The following ARSF variants were observed in gnomAD, a reference collection of about 807,000 sequenced individuals.
The protein encoded by ARSF is arylsulfatase F.
In ARSF, 33 loss-of-function variants were observed where a neutral mutation model predicts 35.4. The observed-to-expected ratio is 0.93, with a 90% confidence interval of 0.71 to 1.25. ARSF has a LOEUF of 1.25. ARSF is among the 50% of genes most tolerant of loss of function. ARSF has a pLI of 0.00. For synonymous variants in ARSF, 222 were observed against 193.1 expected, an observed-to-expected ratio of 1.15 and a Z score of -1.24; for missense variants, 501 against 480.2, an observed-to-expected ratio of 1.04 and a Z score of -0.40.
chrX:3,085,118 C>T (rs1203617249), intron 6 of ARSF, among the ~76,000 whole-genome samples: 2 of 109,551 alleles, frequency 1.8e-5, no homozygotes, highest in African/African-American at 6.6e-5. Context: ...TGTTTGGGCT[C>T]CTGTTATTAA....
intron 2 of ARSF, among the ~76,000 whole-genome samples, chrX:3,070,165 G>T (rs745362250): frequency 2.6e-4 from 29 of 111,362 alleles, no homozygotes; most frequent in Non-Finnish European, 4.7e-4. Context: ...TCTGTGCCAG[G>T]CTTATTTTCC....
chrX:3,084,709 C>T lies in ARSF; in HGVS notation c.830+43C>T, dbSNP rs756146083. The T allele has an allele frequency of 8.1e-6, 9 of 1,105,251 alleles. No homozygotes were observed. The South Asian group carries it at 1.1e-4, about 14-fold the overall frequency. 91.1% of individuals were successfully genotyped at this position (1,105,251 alleles called of 1,213,427 possible). ...AAATTCATGTAATAATGATAATGAT[C>T]TCTTTTTTAAAAGGACCTAGATAGA... On this transcript the variant is annotated intron_variant, in intron 6 of 10. Coordinates refer to ENST00000381127, the MANE Select transcript of ARSF (RefSeq NM_001201539.2).
At chrX:3,108,872 C>G (rs761653493) in intron 9 of ARSF, among the ~76,000 whole-genome samples, 1 of 109,460 alleles carries the variant, frequency 9.1e-6, no homozygotes, top group Admixed American at 9.8e-5. Context: ...CAAAATTAGC[C>G]AGGCATGGTG....
rs892471783 is a variant in ARSF, at chrX:3,071,699, T to C, written c.12-327T>C. On this transcript the variant is annotated intron_variant, in intron 2 of 10. Transcript: ENST00000381127. Reference sequence around the variant, plus strand: ...AATAGTAGATCTACTTTTAGTTCTTTAAGGAATCTCCATACTGTTTTCCAC... The same window carrying C: ...AATAGTAGATCTACTTTTAGTTCTTCAAGGAATCTCCATACTGTTTTCCAC... 2.7e-5 allele frequency among the ~76,000 whole-genome samples: 3 copies of C among 111,668 alleles called. No homozygotes were observed. The Admixed American group carries it at 2.9e-4, about 11-fold the overall frequency.
rs2090381456 is a variant in ARSF at position 3,102,222 on chromosome X, G to T, written c.1102+1001G>T. ...TAGTGGTGATTTCTGAGATTTTAGT[G>T]CACCGTCATCTGAGCATGTACTCTG... On this transcript the variant is annotated intron_variant, in intron 8 of 10. Transcript: ENST00000381127. 2.7e-5 allele frequency among the ~76,000 whole-genome samples: 3 copies of T among 111,228 alleles called. No homozygotes were observed. The South Asian group carries it at 1.1e-3, about 42-fold the overall frequency.
In ARSF at chrX:3,094,368, G is replaced by A. The variant is rs149335464; in HGVS notation, c.967+4736G>A. Among the ~76,000 whole-genome samples the A allele has an allele frequency of 9.8e-3, 1,090 of 111,657 alleles. 11 individuals carry two copies. The highest frequency in any genetic ancestry group is 0.033 in the African/African-American group (1,010 of 30,756). ...TCTGAAGTCTCCAGTAGCCCCATTAGACTCCTACAGACCGTCATTTCACAG... is the reference window on the plus strand; with the variant it reads ...TCTGAAGTCTCCAGTAGCCCCATTAAACTCCTACAGACCGTCATTTCACAG... On this transcript the variant is annotated intron_variant, in intron 7 of 10. Transcript: ENST00000381127.
intron 5 of ARSF, among the ~76,000 whole-genome samples, chrX:3,083,447 A>G (rs1454222915): frequency 9.1e-6 from 1 of 109,833 alleles, no homozygotes; most frequent in Non-Finnish European, 1.9e-5. Context: ...TCCGTCATTT[A>G]TTTGAATCTG....
rs977825968 is a variant in ARSF at position 3,110,257 on chromosome X, G to A, written c.1390+5G>A. ...GGTGGATCCCCAAGGACGACAGTGAGTGCTCAACCCGTTGCTTCCTGTTCC... is the reference window on the plus strand; with the variant it reads ...GGTGGATCCCCAAGGACGACAGTGAATGCTCAACCCGTTGCTTCCTGTTCC... On this transcript the variant is annotated splice_donor_5th_base_variant and intron_variant, in intron 10 of 10. Transcript: ENST00000381127. 3 of 1,159,073 alleles carry A rather than the reference G, an allele frequency of 2.6e-6. No individual in the cohort carries two copies. Among genetic ancestry groups the A allele is most frequent in the South Asian group, 2.1e-5 (1 of 47,640 alleles).
At chrX:3,050,546 CA>C (rs572650651) in intron 1 of ARSF, among the ~76,000 whole-genome samples, 945 of 53,096 alleles carry the variant, frequency 0.018, 7 homozygotes, top group African/African-American at 0.046. Flanking sequence ...AACTCTGTCT[CA>C]AAAAAAAAAA....
chrX:3,101,093 T>A lies in ARSF; in HGVS notation c.974T>A (p.Ile325Asn). The A allele has an allele frequency of 1.7e-6, 2 of 1,209,663 alleles. No homozygotes were observed. The highest frequency in any genetic ancestry group is 2.2e-6 in the Non-Finnish European group (2 of 894,163). The change falls in exon 8 of 11, where the codon ATT becomes AAT. Residue 325 changes from isoleucine to asparagine, a missense_variant. Coordinates refer to ENST00000381127, the MANE Select transcript of ARSF (RefSeq NM_001201539.2). Reference sequence around the variant, plus strand: ...CTCTTGTATATTATTTTAGGCAAGATTCTTGATGCTATCGATGATTTTGGC... The same window carrying A: ...CTCTTGTATATTATTTTAGGCAAGAATCTTGATGCTATCGATGATTTTGGC... ...VEEMDSMVGK[I>N]LDAIDDFGLR...
At chrX:3,068,253 CTA>C (rs1271355921) in intron 2 of ARSF, 142 bp downstream of exon 2, 10 of 502,086 alleles carry the variant, frequency 2.0e-5, no homozygotes, top group African/African-American at 1.7e-4. Flanking sequence ...TTGTAACCTA[CTA>C]TGAGTCAACA....
At chrX:3,081,303 G>C (rs905680765) in intron 5 of ARSF, among the ~76,000 whole-genome samples, 1 of 111,385 alleles carries the variant, frequency 9.0e-6, no homozygotes, top group Non-Finnish European at 1.9e-5. Context: ...CAGAGGCTGA[G>C]GTGGGAGGAT....
At chrX:3,092,441 A>G (rs887743128) in intron 7 of ARSF, among the ~76,000 whole-genome samples, 1 of 111,929 alleles carries the variant, frequency 8.9e-6, no homozygotes, top group African/African-American at 3.2e-5. Flanking sequence ...AAGCTCCCAA[A>G]GTATCTAATT....
upstream of ARSF, among the ~76,000 whole-genome samples, chrX:3,040,845 A>G (rs777295085): frequency 1.8e-5 from 2 of 111,183 alleles, no homozygotes; most frequent in Non-Finnish European, 3.8e-5. Context: ...AGAAACTCAG[A>G]CACGTGAAAG....
chrX:3,070,386 A>C (rs770536439), intron 2 of ARSF, among the ~76,000 whole-genome samples: 2 of 110,765 alleles, frequency 1.8e-5, no homozygotes, highest in African/African-American at 6.6e-5. Context: ...AATTAGAATA[A>C]AAATTCTAAT....
At chrX:3,061,322 C>A (rs1184617913) in intron 1 of ARSF, among the ~76,000 whole-genome samples, 1 of 111,443 alleles carries the variant, frequency 9.0e-6, no homozygotes, top group African/African-American at 3.3e-5. Flanking sequence ...TGGAAAGGAA[C>A]AACCAGTACC....
At chrX:3,098,950 A>G (rs989415899) in intron 7 of ARSF, among the ~76,000 whole-genome samples, 1 of 108,368 alleles carries the variant, frequency 9.2e-6, no homozygotes, top group Non-Finnish European at 1.9e-5. Flanking sequence ...AGTAAAAACA[A>G]CTCCCGTGTC....
intron 1 of ARSF, among the ~76,000 whole-genome samples, chrX:3,047,776 G>T (rs758430258): frequency 4.2e-4 from 46 of 110,630 alleles, no homozygotes; most frequent in Non-Finnish European, 7.9e-4. Context: ...TGATGACCGG[G>T]ATATTCACCA....
intron 4 of ARSF, 66 bp downstream of exon 4, chrX:3,076,735 G>T: frequency 8.6e-7 from 1 of 1,167,879 alleles, no homozygotes. Context: ...ACAAAAATGT[G>T]GCTTGACCAC....
Sources: gnomAD v4.1 joint callset for allele counts (sites outside exome capture counted in the v4.1 genomes callset) on GRCh38, gnomAD v4.1.1 for gene constraint, MANE v1.5 for transcripts, NCBI Gene and HGNC (gene_info 2026-07-23, HGNC 2026-07-21) for gene names.